Variants in DYNC2I2 observed in about 807,000 individuals in gnomAD.
The protein encoded by DYNC2I2 is dynein 2 intermediate chain 2.
DYNC2I2 carries 39 observed loss-of-function variants against 52.0 expected under a neutral mutation model. The ratio of observed to expected loss-of-function variants is 0.75; its 90% confidence interval spans 0.58 to 0.98. The LOEUF (loss-of-function observed/expected upper bound fraction) is 0.98. DYNC2I2 is among the 50% of genes least tolerant of loss of function. The pLI is 0.00. For synonymous variants in DYNC2I2, 359 were observed against 321.1 expected, an observed-to-expected ratio of 1.12 and a Z score of -1.26; for missense variants, 743 against 728.4, an observed-to-expected ratio of 1.02 and a Z score of -0.23.
At chr9:128,641,368 C>A (rs1860511598) in intron 1 of DYNC2I2, among the ~76,000 whole-genome samples, 1 of 152,092 alleles carries the variant, frequency 6.6e-6, no homozygotes, top group South Asian at 2.1e-4. Flanking sequence ...CCACCAGGCC[C>A]TCCCTCAACG....
chr9:128,657,121 C>T (rs958264754), upstream of DYNC2I2, among the ~76,000 whole-genome samples: 2 of 152,340 alleles, frequency 1.3e-5, no homozygotes, highest in African/African-American at 4.8e-5. Context: ...GCAGCTGATT[C>T]TTCCAGCAGA....
chr9:128,681,486 T>C, the DYNC2I2 span, among the ~76,000 whole-genome samples: 1 of 152,184 alleles, frequency 6.6e-6, no homozygotes, highest in Non-Finnish European at 1.5e-5. Flanking sequence ...TTCCAGTTTG[T>C]CTATTATGAA....
At chr9:128,642,881 A>G (rs1337691132) in intron 1 of DYNC2I2, among the ~76,000 whole-genome samples, 1 of 152,186 alleles carries the variant, frequency 6.6e-6, no homozygotes, top group African/African-American at 2.4e-5. Context: ...GGAGAGATGA[A>G]TAAACAAGAA....
Position 128,635,030 on chromosome 9 carries a change from A to G in DYNC2I2, c.981+62T>C, listed in dbSNP as rs879191384. Reference sequence around the variant, plus strand: ...ATCACAGCAAGTCAGGCCCACTGCCACACCTTCCCACCCCCAAGGCTCACC... The same window carrying G: ...ATCACAGCAAGTCAGGCCCACTGCCGCACCTTCCCACCCCCAAGGCTCACC... On this transcript the variant is annotated intron_variant, in intron 6 of 8. Coordinates refer to ENST00000372715, the MANE Select transcript of DYNC2I2 (RefSeq NM_052844.4). 15 of 1,584,006 alleles carry G rather than the reference A, an allele frequency of 9.5e-6. No individual in the cohort carries two copies. The South Asian group carries it at 1.6e-4, about 17-fold the overall frequency.
intron 1 of DYNC2I2, among the ~76,000 whole-genome samples, chr9:128,641,165 G>A (rs1253881036): frequency 1.3e-5 from 2 of 152,124 alleles, no homozygotes; most frequent in African/African-American, 4.8e-5. Flanking sequence ...CTCAGCCACA[G>A]TGACCAATTC....
chr9:128,668,512 G>A, the DYNC2I2 span, among the ~76,000 whole-genome samples: 1 of 150,926 alleles, frequency 6.6e-6, no homozygotes, highest in Non-Finnish European at 1.5e-5. Flanking sequence ...GGGTAACAGA[G>A]TGAGACCATT....
chr9:128,668,524 T>TA, the DYNC2I2 span, among the ~76,000 whole-genome samples: 1,558 of 123,296 alleles, frequency 0.013, 20 homozygotes, highest in East Asian at 0.071. Flanking sequence ...GAGACCATTC[T>TA]AAAAAAAAAA....
chr9:128,667,601 C>G, the DYNC2I2 span, among the ~76,000 whole-genome samples: 1 of 149,586 alleles, frequency 6.7e-6, no homozygotes, highest in East Asian at 2.0e-4. Flanking sequence ...GACACAGCCT[C>G]GCTCTGACAC....
chr9:128,639,230 C>A (rs998409629), intron 2 of DYNC2I2, among the ~76,000 whole-genome samples: 6 of 151,874 alleles, frequency 4.0e-5, no homozygotes, highest in Non-Finnish European at 8.8e-5. Context: ...TGAAATCCAT[C>A]TCTACCAAAA....
At position 128,641,537 on chromosome 9, in the gene DYNC2I2, C is replaced by T. The variant is rs541577267; in HGVS notation, c.187-598G>A. Reference sequence around the variant, plus strand: ...TGCTTAGCTGTACCTGGCACAGGTACAAACATCAGAACAGGGCAGGAGAGG... The same window carrying T: ...TGCTTAGCTGTACCTGGCACAGGTATAAACATCAGAACAGGGCAGGAGAGG... On this transcript the variant is annotated intron_variant, in intron 1 of 8. Transcript: ENST00000372715. Among the ~76,000 whole-genome samples the T allele has an allele frequency of 3.9e-5, 6 of 152,266 alleles. No individual in the cohort carries two copies. In the South Asian group the frequency reaches 1.2e-3, roughly 32 times the overall value.
chr9:128,670,981 C>T, the DYNC2I2 span, among the ~76,000 whole-genome samples: 2 of 150,060 alleles, frequency 1.3e-5, no homozygotes, highest in East Asian at 2.0e-4. Context: ...GCAGGAGAAT[C>T]GCTTGAACCT....
chr9:128,664,128 T>C, the DYNC2I2 span, among the ~76,000 whole-genome samples: 1 of 151,932 alleles, frequency 6.6e-6, no homozygotes, highest in Non-Finnish European at 1.5e-5. Context: ...TGGCTAATTT[T>C]TTTTTGTATT....
intron 2 of DYNC2I2, among the ~76,000 whole-genome samples, chr9:128,640,009 A>ATTTTTT (rs763407869): frequency 2.5e-4 from 2 of 7,870 alleles, no homozygotes; most frequent in Non-Finnish European, 2.4e-4. Flanking sequence ...CACAGGAGAC[A>ATTTTTT]TTCTTTTTTT....
upstream of DYNC2I2, among the ~76,000 whole-genome samples, chr9:128,658,512 C>T (rs1252122625): frequency 1.3e-5 from 2 of 149,428 alleles, no homozygotes; most frequent in Non-Finnish European, 3.0e-5. Context: ...TCCAGGCTGG[C>T]GTGCAGTGGC....
the DYNC2I2 span, among the ~76,000 whole-genome samples, chr9:128,668,248 C>CGTCTGGCCACA: frequency 3.8e-5 from 5 of 130,438 alleles, no homozygotes; most frequent in Non-Finnish European, 6.8e-5. Flanking sequence ...CGTGAGCCAC[C>CGTCTGGCCACA]ACGCCCGGCC....
At chr9:128,643,875 C>G (rs1183616990) in intron 1 of DYNC2I2, among the ~76,000 whole-genome samples, 1 of 152,154 alleles carries the variant, frequency 6.6e-6, no homozygotes, top group African/African-American at 2.4e-5. Context: ...GGGGAGGCAC[C>G]AAGTATTCCC....
upstream of DYNC2I2, among the ~76,000 whole-genome samples, chr9:128,660,283 T>G (rs1860902939): frequency 6.6e-6 from 1 of 151,244 alleles, no homozygotes; most frequent in African/African-American, 2.4e-5. Context: ...TAAGTTTTTT[T>G]GTATTTTTAG....
At chr9:128,659,140 ACC>A (rs2132195613), upstream of DYNC2I2, among the ~76,000 whole-genome samples, 1 of 151,608 alleles carries the variant, frequency 6.6e-6, no homozygotes, top group African/African-American at 2.4e-5. Context: ...CTTCAAGCAC[ACC>A]CCTCAGGCCT....
Position 128,639,814 on chromosome 9 carries a change from C to T in DYNC2I2, c.435+877G>A, listed in dbSNP as rs184652479. Among the ~76,000 whole-genome samples the T allele has an allele frequency of 5.4e-3, 811 of 149,116 alleles. 5 individuals are homozygous for T. The highest frequency in any genetic ancestry group is 0.019 in the African/African-American group (776 of 40,520). On this transcript the variant is annotated intron_variant, in intron 2 of 8. Transcript: ENST00000372715. The stretch of plus-strand genomic sequence containing the variant: ...CCGAGTAGCTGGAACAACAGGCGTG[C>T]ACCACCACGCCTGGCTAATTTTTGT...
Sources: gnomAD v4.1 joint callset for allele counts (sites outside exome capture counted in the v4.1 genomes callset) on GRCh38, gnomAD v4.1.1 for gene constraint, MANE v1.5 for transcripts, NCBI Gene and HGNC (gene_info 2026-07-23, HGNC 2026-07-21) for gene names.